The following R3HCC1L variants were observed in gnomAD, a reference collection of about 807,000 sequenced individuals.
R3HCC1L encodes the protein R3H domain and coiled-coil containing 1 like.
In R3HCC1L, 51 loss-of-function variants were observed where a neutral mutation model predicts 59.9. That is an observed-to-expected ratio of 0.85 (90% CI 0.68 to 1.07). R3HCC1L has a LOEUF of 1.07. Ranked by LOEUF, R3HCC1L falls within the 50% of genes least tolerant of loss-of-function variation. The pLI, the probability that R3HCC1L is intolerant of heterozygous loss-of-function variation, is 0.00. For synonymous variants in R3HCC1L, 322 were observed against 315.2 expected, an observed-to-expected ratio of 1.02 and a Z score of -0.23; for missense variants, 965 against 933.0, an observed-to-expected ratio of 1.03 and a Z score of -0.45.
intron 4 of R3HCC1L, among the ~76,000 whole-genome samples, chr10:98,195,197 G>A (rs898780830): frequency 8.5e-5 from 13 of 152,152 alleles, no homozygotes; most frequent in Admixed American, 3.9e-4. Flanking sequence ...ATTTTGCTAA[G>A]TGAAATAACC....
intron 1 of R3HCC1L, among the ~76,000 whole-genome samples, chr10:98,145,133 T>C (rs1216006156): frequency 6.6e-6 from 1 of 152,236 alleles, no homozygotes; most frequent in Non-Finnish European, 1.5e-5. Context: ...GTGACAGGAC[T>C]TCTGTTGAGA....
At chr10:98,135,962 C>G (rs1041490456) in intron 1 of R3HCC1L, among the ~76,000 whole-genome samples, 1 of 151,258 alleles carries the variant, frequency 6.6e-6, no homozygotes, top group African/African-American at 2.4e-5. Flanking sequence ...TGAGACTAAG[C>G]AAGTTGCTTA....
chr10:98,168,426 T>C (rs1848172736), intron 4 of R3HCC1L, among the ~76,000 whole-genome samples: 1 of 152,148 alleles, frequency 6.6e-6, no homozygotes, highest in Non-Finnish European at 1.5e-5. Flanking sequence ...CTATAGCCAG[T>C]GTAGTATAAA....
chr10:98,155,297 T>C (rs1341528659), intron 1 of R3HCC1L, among the ~76,000 whole-genome samples: 1 of 152,244 alleles, frequency 6.6e-6, no homozygotes, highest in Non-Finnish European at 1.5e-5. Flanking sequence ...GTCAGACCTA[T>C]AATCTTTCTA....
rs1446648342 is a variant in R3HCC1L, at chr10:98,167,686, GGGACTTTGAAATCCAATCCAC to G, written c.-15+4304_-15+4324del. ...AGTCTTACAGTAGTAGTTAGATGCA[GGGACTTTGAAATCCAATCCAC>G]GGACTTTGAAATCCTATCCAGCACT... On this transcript the variant is annotated intron_variant, in intron 4 of 9. Transcript: ENST00000298999. 1.4e-4 allele frequency among the ~76,000 whole-genome samples: 22 copies of G among 152,334 alleles called. No homozygotes were observed. The East Asian group carries it at 3.9e-3, about 27-fold the overall frequency.
In R3HCC1L at chr10:98,201,929, C is replaced by T. The variant is rs1202268890; in HGVS notation, c.-14-6172C>T. ...AGAGACGGGGTCTCACTACCTTGCC[C>T]AAGCTGGAGTGTAGTGGTTGTTCAT... On this transcript the variant is annotated intron_variant, in intron 4 of 9. Transcript: ENST00000298999. Among the ~76,000 whole-genome samples the T allele has an allele frequency of 2.0e-5, 3 of 149,388 alleles. No homozygotes were observed. In the Admixed American group the frequency reaches 2.0e-4, roughly 10 times the overall value.
rs1289662697 is a variant in R3HCC1L, at chr10:98,244,284, A to T, written c.*126A>T. On this transcript the variant is annotated 3_prime_UTR_variant, in exon 10 of 10. Coordinates refer to ENST00000298999, the MANE Select transcript of R3HCC1L (RefSeq NM_001351015.2). ...ATGTTAAAGAGATAAAGTGATCGAG[A>T]CAAGGACTGACTGGGTATAGAAGGA... 2 of 848,968 alleles carry T rather than the reference A, an allele frequency of 2.4e-6. No homozygotes were observed. Among genetic ancestry groups the T allele is most frequent in the African/African-American group, 3.4e-5 (2 of 58,886 alleles). The allele number at this position is 848,968 out of a possible 1,614,324, so 52.6% of individuals were successfully genotyped here.
At chr10:98,145,021 G>A (rs1381101257) in intron 1 of R3HCC1L, among the ~76,000 whole-genome samples, 1 of 152,202 alleles carries the variant, frequency 6.6e-6, no homozygotes, top group African/African-American at 2.4e-5. Context: ...TGAGTAGTAA[G>A]GAGATAGGAT....
At chr10:98,193,226 C>G (rs1851049168) in intron 4 of R3HCC1L, among the ~76,000 whole-genome samples, 1 of 151,838 alleles carries the variant, frequency 6.6e-6, no homozygotes, top group Non-Finnish European at 1.5e-5. Context: ...GCAAGAATGC[C>G]CACTCATCAC....
At chr10:98,237,103 A>G (rs1187098989) in intron 9 of R3HCC1L, among the ~76,000 whole-genome samples, 1 of 152,206 alleles carries the variant, frequency 6.6e-6, no homozygotes, top group Non-Finnish European at 1.5e-5. Context: ...CCAGATAACC[A>G]GTGACAGAGT....
intron 4 of R3HCC1L, among the ~76,000 whole-genome samples, chr10:98,182,685 G>A (rs1849765865): frequency 6.6e-6 from 1 of 152,148 alleles, no homozygotes; most frequent in East Asian, 1.9e-4. Flanking sequence ...GAGCTGCGGT[G>A]GGCTCTACCC....
At chr10:98,148,015 C>T (rs1845822367) in intron 1 of R3HCC1L, among the ~76,000 whole-genome samples, 1 of 152,086 alleles carries the variant, frequency 6.6e-6, no homozygotes. Flanking sequence ...GTCATTTTAA[C>T]TGTGTTACTC....
intron 4 of R3HCC1L, among the ~76,000 whole-genome samples, chr10:98,181,925 A>G (rs556163519): frequency 1.3e-5 from 2 of 152,174 alleles, no homozygotes; most frequent in African/African-American, 4.8e-5. Flanking sequence ...CTTTTTTTCA[A>G]GATTTTTAGC....
intron 1 of R3HCC1L, among the ~76,000 whole-genome samples, chr10:98,145,652 A>G (rs1845578030): frequency 1.3e-5 from 2 of 152,184 alleles, no homozygotes; most frequent in Admixed American, 1.3e-4. Flanking sequence ...CTGTAGAGCC[A>G]CATAAGAAAA....
In R3HCC1L at chr10:98,163,392, T is replaced by TA; in HGVS notation, c.-19dup. ...TATTACTAAGAAAATAAATGTTACTTACATGGTAAGTTGCCTTTACTTATG... is the reference window on the plus strand; with the variant it reads ...TATTACTAAGAAAATAAATGTTACTTAACATGGTAAGTTGCCTTTACTTATG... On this transcript the variant is annotated 5_prime_UTR_variant, in exon 4 of 10. The change abolishes the stop of an existing upstream ORF in the 5' untranslated region. Coordinates refer to ENST00000298999, the MANE Select transcript of R3HCC1L (RefSeq NM_001351015.2). 7.5e-7 allele frequency: 1 copy of TA among 1,335,466 alleles called. No individual in the cohort carries two copies. The highest frequency in any genetic ancestry group is 9.9e-7 in the Non-Finnish European group (1 of 1,007,366). The allele number at this position is 1,335,466 out of a possible 1,614,324, so 82.7% of individuals were successfully genotyped here.
At chr10:98,163,434 ACTGT>A in intron 4 of R3HCC1L, 37 bp downstream of exon 4, 2 of 1,183,472 alleles carry the variant, frequency 1.7e-6, no homozygotes, top group South Asian at 2.0e-5. Context: ...TTATAGAAAT[ACTGT>A]CTGTTTACTC....
intron 4 of R3HCC1L, among the ~76,000 whole-genome samples, chr10:98,203,477 C>G (rs1852268486): frequency 1.3e-5 from 2 of 152,170 alleles, no homozygotes; most frequent in Non-Finnish European, 2.9e-5. Context: ...CTAACAAATA[C>G]AGAATTTGTT....
intron 4 of R3HCC1L, chr10:98,186,602 T>C: frequency 1.4e-6 from 1 of 719,454 alleles, no homozygotes; most frequent in Non-Finnish European, 1.7e-6. Flanking sequence ...ACAAGTTTTA[T>C]ACACAACATT....
chr10:98,194,757 C>A, intron 4 of R3HCC1L, among the ~76,000 whole-genome samples: 1 of 151,702 alleles, frequency 6.6e-6, no homozygotes, highest in East Asian at 1.9e-4. Flanking sequence ...CAAATAAAAA[C>A]CACAGTAAGA....
Sources: gnomAD v4.1 joint callset for allele counts (sites outside exome capture counted in the v4.1 genomes callset) on GRCh38, gnomAD v4.1.1 for gene constraint, MANE v1.5 for transcripts, NCBI Gene and HGNC (gene_info 2026-07-23, HGNC 2026-07-21) for gene names.